Variants in ITPK1 observed in about 807,000 individuals in gnomAD.
The protein encoded by ITPK1 is inositol-tetrakisphosphate 1-kinase.
Under a neutral mutation model 45.3 loss-of-function variants are expected in ITPK1, and 21 were observed. That is an observed-to-expected ratio of 0.46 (90% CI 0.33 to 0.67). The LOEUF (loss-of-function observed/expected upper bound fraction) is 0.67. ITPK1 is among the 30% of genes least tolerant of loss of function. The pLI is 0.02. For synonymous variants in ITPK1, 258 were observed against 253.6 expected (o/e 1.02, Z -0.16); for missense variants, 474 against 573.5 (o/e 0.83, Z 1.77).
intron 4 of ITPK1, among the ~76,000 whole-genome samples, chr14:92,995,599 G>A (rs1257651178): frequency 6.6e-6 from 1 of 152,152 alleles, no homozygotes; most frequent in African/African-American, 2.4e-5. Flanking sequence ...GCGTAACCTA[G>A]GGGAGGCCTC....
At chr14:93,074,387 A>C (rs769348538) in intron 3 of ITPK1, among the ~76,000 whole-genome samples, 19 of 152,340 alleles carry the variant, frequency 1.2e-4, no homozygotes, top group Admixed American at 2.0e-4. Context: ...ATTTTAGTCT[A>C]AATCTTCCCA....
chr14:93,068,593 C>T (rs1890856303), intron 3 of ITPK1: 1 of 152,220 alleles, frequency 6.6e-6, no homozygotes, highest in Admixed American at 6.5e-5. Context: ...CACAGGTGTC[C>T]ACCCCTACCT....
intron 3 of ITPK1, among the ~76,000 whole-genome samples, chr14:93,045,935 C>T (rs1460354134): frequency 1.3e-5 from 2 of 152,170 alleles, no homozygotes; most frequent in East Asian, 3.9e-4. Flanking sequence ...ACGTTGCCTC[C>T]GACTTCCTTT....
chr14:93,024,449 A>G (rs1174479581), intron 3 of ITPK1, among the ~76,000 whole-genome samples: 3 of 152,214 alleles, frequency 2.0e-5, no homozygotes, highest in Non-Finnish European at 4.4e-5. Context: ...CGATGAGCAC[A>G]CAGCCAGGGC....
chr14:92,966,013 G>T lies in ITPK1; in HGVS notation c.365-3164C>A, dbSNP rs540206350. Among the ~76,000 whole-genome samples the T allele has an allele frequency of 9.8e-5, 15 of 152,340 alleles. No homozygotes were observed. The South Asian group carries it at 3.1e-3, about 32-fold the overall frequency. On this transcript the variant is annotated intron_variant, in intron 5 of 10. Coordinates refer to ENST00000267615, the MANE Select transcript of ITPK1 (RefSeq NM_014216.6). The stretch of plus-strand genomic sequence containing the variant: ...AGCGAAACTCCATATCAAAAAAAGA[G>T]AAAATTATGTATGTGTATTTTAGAC...
At chr14:92,960,949 G>A (rs1162715933) in intron 7 of ITPK1, among the ~76,000 whole-genome samples, 7 of 152,232 alleles carry the variant, frequency 4.6e-5, no homozygotes, top group Admixed American at 2.0e-4. Context: ...ACAACGGGAC[G>A]GCGGGCTGTC....
chr14:92,943,129 C>T (rs1163670190), intron 10 of ITPK1, among the ~76,000 whole-genome samples: 1 of 152,270 alleles, frequency 6.6e-6, no homozygotes, highest in Non-Finnish European at 1.5e-5. Context: ...CAAGCGGCGC[C>T]TCCCGAGCTG....
intron 2 of ITPK1, among the ~76,000 whole-genome samples, chr14:93,112,650 G>C (rs772053851): frequency 2.8e-4 from 42 of 152,094 alleles, no homozygotes; most frequent in Non-Finnish European, 5.4e-4. Flanking sequence ...ATGTTAGCCA[G>C]GATGGTCTCG....
intron 2 of ITPK1, among the ~76,000 whole-genome samples, chr14:93,091,846 C>T (rs947086694): frequency 6.6e-6 from 1 of 152,236 alleles, no homozygotes; most frequent in Non-Finnish European, 1.5e-5. Context: ...TCTTGTCACA[C>T]TGGGTCCTTG....
chr14:92,971,558 G>A (rs904285091), intron 5 of ITPK1, among the ~76,000 whole-genome samples: 3 of 152,216 alleles, frequency 2.0e-5, no homozygotes, highest in Non-Finnish European at 4.4e-5. Flanking sequence ...TGCTGGGGAG[G>A]GTCCAAGAAG....
rs1191070571 is a variant in ITPK1, at chr14:93,012,672, G to C, written c.246+4004C>G. Among the ~76,000 whole-genome samples the C allele has an allele frequency of 6.6e-6, 1 of 152,198 alleles. No homozygotes were observed. Among genetic ancestry groups the C allele is most frequent in the African/African-American group, 2.4e-5 (1 of 41,446 alleles). ...GAGCTCGCGGGCAGGGCACCCAGCA[G>C]TGCTGCCGCAGAGGACACTCTCCTA... On this transcript the variant is annotated intron_variant, in intron 4 of 10. Transcript: ENST00000267615. This position sits in a 1 kb window ranked among gnomAD's most constrained non-coding sequence, Gnocchi z 4.9.
chr14:93,095,901 T>C (rs1238713501), intron 2 of ITPK1, among the ~76,000 whole-genome samples: 5 of 152,206 alleles, frequency 3.3e-5, no homozygotes, highest in Non-Finnish European at 7.3e-5. Context: ...TCCAGCTGCA[T>C]CCATGTTGCT....
At chr14:93,109,834 C>T (rs1034647264) in intron 2 of ITPK1, among the ~76,000 whole-genome samples, 3 of 152,160 alleles carry the variant, frequency 2.0e-5, no homozygotes, top group Admixed American at 2.0e-4. Context: ...GCCATCGTGG[C>T]CTTCAGGGTG....
chr14:93,093,265 G>A (rs1050182541), intron 2 of ITPK1, among the ~76,000 whole-genome samples: 2 of 152,224 alleles, frequency 1.3e-5, no homozygotes, highest in African/African-American at 4.8e-5. Flanking sequence ...GGGCCTCCAA[G>A]GGCAGAGATG....
intron 5 of ITPK1, among the ~76,000 whole-genome samples, chr14:92,963,184 C>T (rs1198226457): frequency 2.0e-5 from 3 of 152,226 alleles, no homozygotes; most frequent in Non-Finnish European, 2.9e-5. Context: ...TACATTTACA[C>T]GCAGAGAGCT....
chr14:92,945,619 C>G (rs1050436078), intron 10 of ITPK1, among the ~76,000 whole-genome samples: 1 of 152,246 alleles, frequency 6.6e-6, no homozygotes, highest in Non-Finnish European at 1.5e-5. Flanking sequence ...AAACAAGCCA[C>G]TGAGCCTTGG....
At chr14:92,959,143 T>C (rs1278052687) in intron 7 of ITPK1, among the ~76,000 whole-genome samples, 1 of 151,764 alleles carries the variant, frequency 6.6e-6, no homozygotes, top group Non-Finnish European at 1.5e-5. Context: ...GGGTAGGGAG[T>C]GCAGGGGGGC....
intron 3 of ITPK1, chr14:93,071,534 T>C (rs1398690968): frequency 6.6e-6 from 1 of 152,260 alleles, no homozygotes. Context: ...TAAATACTTG[T>C]AGAGGATGTA....
chr14:93,060,802 A>G (rs1890485554), intron 3 of ITPK1, among the ~76,000 whole-genome samples: 2 of 152,232 alleles, frequency 1.3e-5, no homozygotes, highest in African/African-American at 2.4e-5. Flanking sequence ...GACTAGAAAT[A>G]TCACAGAAGC....
Sources: gnomAD v4.1 joint callset for allele counts (sites outside exome capture counted in the v4.1 genomes callset) on GRCh38, gnomAD v4.1.1 for gene constraint, Gnocchi (gnomAD v3.1) non-coding constraint, MANE v1.5 for transcripts, NCBI Gene and HGNC (gene_info 2026-07-23, HGNC 2026-07-21) for gene names.